WDPCP: variants seen among roughly 807,000 people sequenced by gnomAD.
WDPCP encodes the protein WD repeat containing planar cell polarity effector.
Under a neutral mutation model 93.1 loss-of-function variants are expected in WDPCP, and 71 were observed. The ratio of observed to expected loss-of-function variants is 0.76; its 90% CI spans 0.63 to 0.93. The LOEUF is 0.93. Ranked by LOEUF, WDPCP falls within the 40% of genes least tolerant of loss-of-function variation. WDPCP has a pLI of 0.00. For synonymous variants in WDPCP, 315 were observed against 315.0 expected, an observed-to-expected ratio of 1.00 and a Z score of 0.00; for missense variants, 844 against 887.4, an observed-to-expected ratio of 0.95 and a Z score of 0.62.
chr2:63,781,173 G>A (rs568100408), intron 2 of WDPCP, among the ~76,000 whole-genome samples: 91 of 152,254 alleles, frequency 6.0e-4, no homozygotes, highest in African/African-American at 2.1e-3. Flanking sequence ...ATAAGATCTT[G>A]CTGTTTATTT....
At chr2:63,387,970 G>C (rs1339505918) in intron 10 of WDPCP, among the ~76,000 whole-genome samples, 2 of 152,080 alleles carry the variant, frequency 1.3e-5, no homozygotes, top group Admixed American at 6.6e-5. Flanking sequence ...AAAGAAATCA[G>C]AGATGACACA....
At chr2:63,456,174 T>C (rs1698606328) in intron 6 of WDPCP, among the ~76,000 whole-genome samples, 1 of 152,116 alleles carries the variant, frequency 6.6e-6, no homozygotes, top group Non-Finnish European at 1.5e-5. Context: ...CTCAGCACTC[T>C]GGGAGGGCAA....
At position 63,404,530 on chromosome 2, in the gene WDPCP, A is replaced by G; in HGVS notation, c.953T>C (p.Ile318Thr). ...GATTTTATTCCGAATGCATTCATAG[A>G]TGCAGCTGTCAGCCATGGGCTCTTT... is the stretch of plus-strand genomic sequence containing the variant. ...VDKEPMADSC[I>T]YECIRNKIQC... The change falls in exon 10 of 18, where the codon ATC becomes ACC. Residue 318 changes from isoleucine (I) to threonine (T), a missense_variant. Ile to Thr is a moderately conservative substitution (Grantham distance 89). Transcript: ENST00000272321. 6.2e-7 allele frequency: 1 copy of G among 1,613,670 alleles called. No individual in the cohort carries two copies. Among genetic ancestry groups the G allele is most frequent in the South Asian group, 1.1e-5 (1 of 91,056 alleles).
At chr2:63,523,719 T>C (rs1334212867) in intron 1 of WDPCP, among the ~76,000 whole-genome samples, 2 of 152,220 alleles carry the variant, frequency 1.3e-5, no homozygotes, top group African/African-American at 2.4e-5. Context: ...CGAGACCAGT[T>C]TGGCCAATGT....
At chr2:63,195,734 G>C (rs1390748726) in intron 14 of WDPCP, among the ~76,000 whole-genome samples, 1 of 151,842 alleles carries the variant, frequency 6.6e-6, no homozygotes, top group African/African-American at 2.4e-5. Context: ...ATTAAGAAAA[G>C]GATATTTCAT....
At chr2:63,253,445 AACAG>A (rs1432201968) in intron 14 of WDPCP, among the ~76,000 whole-genome samples, 4 of 152,334 alleles carry the variant, frequency 2.6e-5, no homozygotes, top group South Asian at 4.1e-4. Context: ...CAACAAAGTA[AACAG>A]ACAGCCTACA....
In WDPCP at chr2:63,196,938, A is replaced by G. The variant is rs543511012; in HGVS notation, c.1916-22106T>C. Among the ~76,000 whole-genome samples the G allele has an allele frequency of 1.4e-4, 22 of 152,346 alleles. No homozygotes were observed. In the South Asian group the frequency reaches 4.4e-3, roughly 30 times the overall value. ...CTGCTTTTGACTACTTCTGACACAGACCCTTCTATGAAACAAGCACTGAAA... is the reference window on the plus strand; with the variant it reads ...CTGCTTTTGACTACTTCTGACACAGGCCCTTCTATGAAACAAGCACTGAAA... On this transcript the variant is annotated intron_variant, in intron 14 of 17. Transcript: ENST00000272321.
chr2:63,705,700 G>C (rs571068253), intron 2 of WDPCP, among the ~76,000 whole-genome samples: 6 of 150,876 alleles, frequency 4.0e-5, no homozygotes, highest in Non-Finnish European at 8.9e-5. Flanking sequence ...ATTTGCTGAG[G>C]AGTGCTTTAC....
rs1030419770 is a variant in WDPCP, at chr2:63,486,721, T to G, written c.209-135A>C. 10 of 765,566 alleles carry G rather than the reference T, an allele frequency of 1.3e-5. No homozygotes were observed. The East Asian group carries it at 2.9e-4, about 22-fold the overall frequency. 47.4% of individuals were successfully genotyped at this position (765,566 alleles called of 1,614,324 possible). On this transcript the variant is annotated intron_variant, in intron 3 of 17. Coordinates refer to ENST00000272321, the MANE Select transcript of WDPCP (RefSeq NM_015910.7). ...ATGCATTATTGAGATTAATAAATTATGCTTAGGTTCTAAAAGGACAGTTGA... is the reference window on the plus strand; with the variant it reads ...ATGCATTATTGAGATTAATAAATTAGGCTTAGGTTCTAAAAGGACAGTTGA...
At chr2:63,578,294 C>A (rs183951311) in intron 1 of WDPCP, among the ~76,000 whole-genome samples, 2 of 152,070 alleles carry the variant, frequency 1.3e-5, no homozygotes, top group Admixed American at 6.5e-5. Flanking sequence ...ATATTAGTAT[C>A]CCGAAAATAA....
At chr2:63,230,776 A>T (rs1013495382) in intron 14 of WDPCP, among the ~76,000 whole-genome samples, 2 of 151,860 alleles carry the variant, frequency 1.3e-5, no homozygotes, top group Admixed American at 6.6e-5. Flanking sequence ...CTACTTTTTG[A>T]TGGGGTTGAT....
intron 2 of WDPCP, among the ~76,000 whole-genome samples, chr2:63,701,063 G>C (rs1247524183): frequency 4.6e-5 from 7 of 152,122 alleles, no homozygotes; most frequent in African/African-American, 1.7e-4. Context: ...ACAAGGTAGA[G>C]ACAATCCACA....
intron 17 of WDPCP, among the ~76,000 whole-genome samples, chr2:63,126,609 T>A (rs1050838645): frequency 6.6e-6 from 1 of 151,936 alleles, no homozygotes; most frequent in African/African-American, 2.4e-5. Flanking sequence ...AACACAGTTT[T>A]AACTTGTATA....
At chr2:63,152,270 C>T (rs1671936450) in intron 17 of WDPCP, among the ~76,000 whole-genome samples, 1 of 150,402 alleles carries the variant, frequency 6.6e-6, no homozygotes, top group Admixed American at 6.6e-5. Flanking sequence ...CTCCTGGCTA[C>T]TCTTTTTTTT....
intron 2 of WDPCP, among the ~76,000 whole-genome samples, chr2:63,709,593 A>G (rs1340089860): frequency 6.6e-6 from 1 of 152,200 alleles, no homozygotes; most frequent in Non-Finnish European, 1.5e-5. Context: ...ATGTGGTGCT[A>G]ATTCCTAATA....
intron 2 of WDPCP, chr2:63,684,428 C>T: frequency 2.4e-6 from 2 of 846,112 alleles, no homozygotes; most frequent in Admixed American, 1.8e-5. Context: ...ACAGCCACCT[C>T]TGGTGGCTGG....
At chr2:63,804,427 TG>T in intron 2 of WDPCP, among the ~76,000 whole-genome samples, 1 of 151,872 alleles carries the variant, frequency 6.6e-6, no homozygotes, top group South Asian at 2.1e-4. Context: ...AATTTTTTTT[TG>T]TAGTTTTTAG....
intron 15 of WDPCP, among the ~76,000 whole-genome samples, chr2:63,165,750 A>T (rs1237006305): frequency 6.6e-6 from 1 of 151,236 alleles, no homozygotes; most frequent in Non-Finnish European, 1.5e-5. Flanking sequence ...TTTGCGAAGT[A>T]GTCTCTTATG....
intron 2 of WDPCP, among the ~76,000 whole-genome samples, chr2:63,490,299 T>C (rs1166402655): frequency 2.6e-5 from 4 of 152,150 alleles, no homozygotes; most frequent in Non-Finnish European, 4.4e-5. Context: ...GCTTATACAG[T>C]AATGCAGGAC....
Sources: allele counts gnomAD v4.1 joint callset (sites outside exome capture counted in the v4.1 genomes callset), GRCh38; gene constraint gnomAD v4.1.1; transcripts MANE v1.5; gene names NCBI Gene and HGNC (gene_info 2026-07-23, HGNC 2026-07-21).